The following ROBO1 variants were observed in gnomAD, a reference collection of about 807,000 sequenced individuals.
ROBO1 encodes roundabout guidance receptor 1, also known as roundabout homolog 1.
In ROBO1, 149 loss-of-function variants were observed where a neutral mutation model predicts 195.9. The observed-to-expected ratio is 0.76, with a 90% CI of 0.67 to 0.87. The LOEUF (loss-of-function observed/expected upper bound fraction) is 0.87. Among genes scored for constraint, ROBO1 ranks in the 40% least tolerant of loss-of-function variants. ROBO1 has a pLI of 0.00. For synonymous variants in ROBO1, 816 were observed against 733.2 expected (o/e 1.11, Z -1.82); for missense variants, 1,933 against 2,068.3 (o/e 0.93, Z 1.27).
chr3:79,558,712 G>A (rs567727771), intron 2 of ROBO1, among the ~76,000 whole-genome samples: 7 of 151,900 alleles, frequency 4.6e-5, no homozygotes, highest in Non-Finnish European at 8.8e-5. Flanking sequence ...ATGTTGTCTC[G>A]GATTAAATTA....
intron 2 of ROBO1, among the ~76,000 whole-genome samples, chr3:79,305,922 ATTGAAAAACT>A (rs1205243961): frequency 6.6e-6 from 1 of 152,210 alleles, no homozygotes; most frequent in Non-Finnish European, 1.5e-5. Flanking sequence ...GTTGAAAAAA[ATTGAAAAACT>A]ATAGGATAGC....
At chr3:78,696,655 CATAT>C (rs1488889078) in intron 8 of ROBO1, among the ~76,000 whole-genome samples, 1 of 144,914 alleles carries the variant, frequency 6.9e-6, no homozygotes, top group African/African-American at 2.6e-5. Flanking sequence ...TATATATACA[CATAT>C]ATATACACAT....
chr3:79,480,726 C>A (rs1315015023), intron 2 of ROBO1, among the ~76,000 whole-genome samples: 3 of 152,072 alleles, frequency 2.0e-5, no homozygotes, highest in Non-Finnish European at 4.4e-5. Flanking sequence ...GAAATCAATG[C>A]ATATTCAAGA....
intron 2 of ROBO1, among the ~76,000 whole-genome samples, chr3:79,256,556 CAA>C (rs1454130460): frequency 6.6e-6 from 1 of 151,982 alleles, no homozygotes; most frequent in Non-Finnish European, 1.5e-5. Context: ...ATTAATAAGA[CAA>C]AGAGTAAAAA....
At chr3:79,204,138 C>T (rs750300143) in intron 2 of ROBO1, among the ~76,000 whole-genome samples, 1 of 152,040 alleles carries the variant, frequency 6.6e-6, no homozygotes, top group Non-Finnish European at 1.5e-5. Flanking sequence ...TATTTTGATA[C>T]CTGTATACAA....
intron 2 of ROBO1, among the ~76,000 whole-genome samples, chr3:79,177,392 G>A (rs761399750): frequency 2.0e-5 from 3 of 152,152 alleles, no homozygotes; most frequent in Non-Finnish European, 2.9e-5. Flanking sequence ...GCACAGACCA[G>A]ACCCCTTTCT....
At chr3:78,881,632 T>C (rs935163290) in intron 4 of ROBO1, among the ~76,000 whole-genome samples, 1 of 152,212 alleles carries the variant, frequency 6.6e-6, no homozygotes, top group African/African-American at 2.4e-5. Flanking sequence ...CATATTCTTC[T>C]CTTACTTCCT....
chr3:79,264,600 C>T (rs1432341744), intron 2 of ROBO1, among the ~76,000 whole-genome samples: 1 of 151,800 alleles, frequency 6.6e-6, no homozygotes, highest in East Asian at 1.9e-4. Flanking sequence ...AAGTATAAAA[C>T]TTACTAAATA....
intron 2 of ROBO1, among the ~76,000 whole-genome samples, chr3:79,450,003 C>T (rs6803202): frequency 0.51 from 76,842 of 151,624 alleles, 19,618 homozygotes; most frequent in African/African-American, 0.57. Context: ...CTAAAATAGA[C>T]GATTCTACAG....
chr3:79,722,007 T>C (rs1702723769), intron 1 of ROBO1, among the ~76,000 whole-genome samples: 1 of 152,216 alleles, frequency 6.6e-6, no homozygotes, highest in Non-Finnish European at 1.5e-5. Flanking sequence ...ATTTAGAAAC[T>C]CATAATATTT....
intron 10 of ROBO1, among the ~76,000 whole-genome samples, chr3:78,681,594 AACGTGCAGAAG>A (rs1225319781): frequency 3.3e-5 from 5 of 152,186 alleles, no homozygotes; most frequent in Non-Finnish European, 5.9e-5. Flanking sequence ...TGGTGGAAAC[AACGTGCAGAAG>A]ACTTAAGACG....
chr3:79,247,939 T>C (rs1018687885), intron 2 of ROBO1, among the ~76,000 whole-genome samples: 7 of 152,144 alleles, frequency 4.6e-5, no homozygotes, highest in African/African-American at 1.7e-4. Context: ...TGTGTTTCCC[T>C]GCCGGAAATC....
At chr3:79,090,421 C>T (rs932309173) in intron 3 of ROBO1, among the ~76,000 whole-genome samples, 2 of 151,846 alleles carry the variant, frequency 1.3e-5, no homozygotes, top group African/African-American at 4.8e-5. Flanking sequence ...AACTTCCTTT[C>T]CCTTCCCTTC....
chr3:79,365,187 C>G (rs1361521232), intron 2 of ROBO1, among the ~76,000 whole-genome samples: 1 of 152,082 alleles, frequency 6.6e-6, no homozygotes, highest in Non-Finnish European at 1.5e-5. Context: ...GATTAGAATC[C>G]AAATTTCATC....
intron 5 of ROBO1, among the ~76,000 whole-genome samples, chr3:78,734,459 G>A (rs1174113245): frequency 6.6e-6 from 1 of 151,766 alleles, no homozygotes; most frequent in African/African-American, 2.4e-5. Context: ...TACTCACATG[G>A]CTGAAGTGGG....
chr3:79,398,740 A>AAAAACC (rs1024012990), intron 2 of ROBO1, among the ~76,000 whole-genome samples: 2 of 152,120 alleles, frequency 1.3e-5, no homozygotes, highest in Non-Finnish European at 2.9e-5. Context: ...CGGTAATTAC[A>AAAAACC]AAAACCAAAT....
chr3:79,144,181 A>T (rs1330112596), intron 2 of ROBO1, among the ~76,000 whole-genome samples: 1 of 152,078 alleles, frequency 6.6e-6, no homozygotes, highest in Non-Finnish European at 1.5e-5. Context: ...TTTTAGTATT[A>T]AATATACATT....
chr3:78,952,210 T>A lies in ROBO1; in HGVS notation c.173-13283A>T, dbSNP rs917366800. Among the ~76,000 whole-genome samples the A allele has an allele frequency of 5.3e-5, 8 of 151,484 alleles. No individual in the cohort carries two copies. The South Asian group carries it at 1.7e-3, about 31-fold the overall frequency. On this transcript the variant is annotated intron_variant, in intron 3 of 30. Transcript: ENST00000464233. Reference sequence around the variant, plus strand: ...CTCCATCAAATATCATATTAATGTATCTTGCAGCACAAAAATTCTTATAAA... The same window carrying A: ...CTCCATCAAATATCATATTAATGTAACTTGCAGCACAAAAATTCTTATAAA...
At chr3:79,084,977 A>T (rs189899678) in intron 3 of ROBO1, among the ~76,000 whole-genome samples, 11 of 152,298 alleles carry the variant, frequency 7.2e-5, no homozygotes, top group Middle Eastern at 3.4e-3. Context: ...TGTACATAGC[A>T]TAAAAATATT....
Sources: gnomAD v4.1 joint callset for allele counts (sites outside exome capture counted in the v4.1 genomes callset) on GRCh38, gnomAD v4.1.1 for gene constraint, MANE v1.5 for transcripts, NCBI Gene and HGNC (gene_info 2026-07-23, HGNC 2026-07-21) for gene names.